Variants in ZSWIM5 observed in about 807,000 individuals in gnomAD.
The protein encoded by ZSWIM5 is zinc finger SWIM-type containing 5.
A neutral mutation model predicts 119.6 loss-of-function variants in ZSWIM5; 55 were observed. The observed-to-expected ratio is 0.46, with a 90% CI of 0.37 to 0.58. ZSWIM5 has a LOEUF of 0.58. Among genes scored for constraint, ZSWIM5 ranks in the 20% least tolerant of loss-of-function variants. ZSWIM5 has a pLI of 0.00. For synonymous variants in ZSWIM5, 537 were observed against 606.9 expected (o/e 0.88, Z 1.69); for missense variants, 1,193 against 1,512.8 (o/e 0.79, Z 3.51).
chr1:45,049,535 C>A (rs894422389), intron 5 of ZSWIM5, among the ~76,000 whole-genome samples: 1 of 152,068 alleles, frequency 6.6e-6, no homozygotes, highest in Non-Finnish European at 1.5e-5. Flanking sequence ...ACTGCCAGAC[C>A]AGGCTGGTCG....
intron 1 of ZSWIM5, among the ~76,000 whole-genome samples, chr1:45,178,276 T>C (rs1001739779): frequency 6.6e-6 from 1 of 152,002 alleles, no homozygotes; most frequent in African/African-American, 2.4e-5. Context: ...AATGAAGGGA[T>C]AGCTGGGTGT....
intron 1 of ZSWIM5, among the ~76,000 whole-genome samples, chr1:45,125,032 A>T (rs1338261691): frequency 2.0e-5 from 3 of 152,226 alleles, no homozygotes; most frequent in African/African-American, 7.2e-5. Context: ...ACTATACAGA[A>T]AATCAACAAG....
intron 11 of ZSWIM5, among the ~76,000 whole-genome samples, chr1:45,032,693 G>A (rs927805388): frequency 6.6e-6 from 1 of 150,450 alleles, no homozygotes; most frequent in Admixed American, 6.6e-5. Flanking sequence ...CACCATGTTG[G>A]CCAGGATGTT....
At chr1:45,174,230 G>C (rs972083825) in intron 1 of ZSWIM5, among the ~76,000 whole-genome samples, 1 of 151,920 alleles carries the variant, frequency 6.6e-6, no homozygotes, top group Non-Finnish European at 1.5e-5. Flanking sequence ...GCCAAGATCA[G>C]GCCACTGCAT....
intron 1 of ZSWIM5, among the ~76,000 whole-genome samples, chr1:45,091,420 G>T (rs1273566225): frequency 6.6e-6 from 1 of 151,770 alleles, no homozygotes; most frequent in Admixed American, 6.6e-5. Flanking sequence ...ACTGTGGGGG[G>T]CCAAGGCAGG....
In ZSWIM5 at chr1:45,018,586, T is replaced by C; in HGVS notation, c.3426A>G (p.Leu1142=). ...GCAGGAAGGTCTCCCGAGCCTTGCT[T>C]AGAAACTCAATGAACTCTCCATAGT... ...PRHYGEFIEF[L]SKARETFLLP... is the part of the protein sequence containing the mutation. The change falls in exon 14 of 14, where the codon CTA becomes CTG. Residue 1142 remains leucine, a synonymous_variant. Coordinates refer to ENST00000359600, the MANE Select transcript of ZSWIM5 (RefSeq NM_020883.2). The surrounding 1 kb of genome is among the most constrained non-coding windows in gnomAD (Gnocchi z 6.7). 1.2e-6 allele frequency: 2 copies of C among 1,614,220 alleles called. No individual in the cohort carries two copies. Among genetic ancestry groups the C allele is most frequent in the Non-Finnish European group, 1.7e-6 (2 of 1,180,034 alleles).
In ZSWIM5 at chr1:45,018,194, C is replaced by T. The variant is rs938237670; in HGVS notation, c.*260G>A. 20 of 541,834 alleles carry T rather than the reference C, an allele frequency of 3.7e-5. No homozygotes were observed. Among genetic ancestry groups the T allele is most frequent in the African/African-American group, 2.8e-4 (15 of 52,798 alleles). 33.6% of individuals were successfully genotyped at this position (541,834 alleles called of 1,614,324 possible). A position where few individuals can be genotyped will look rare whatever the true frequency, so the allele number is the denominator to read the frequency against. On this transcript the variant is annotated 3_prime_UTR_variant, in exon 14 of 14. Coordinates refer to ENST00000359600, the MANE Select transcript of ZSWIM5 (RefSeq NM_020883.2). The surrounding 1 kb of genome is among the most constrained non-coding windows in gnomAD (Gnocchi z 6.7). ...GCTCAGGACACGCAGGATATAGGGGCATGAGGTGGCATGTTGTGGGGTTTC... is the reference window on the plus strand; with the variant it reads ...GCTCAGGACACGCAGGATATAGGGGTATGAGGTGGCATGTTGTGGGGTTTC...
At chr1:45,194,350 A>ATGTT (rs1446481216) in intron 1 of ZSWIM5, among the ~76,000 whole-genome samples, 1 of 152,214 alleles carries the variant, frequency 6.6e-6, no homozygotes, top group Non-Finnish European at 1.5e-5. Context: ...GTTCCATTGT[A>ATGTT]TGTTTATACC....
chr1:45,142,660 G>A (rs141248676), intron 1 of ZSWIM5, among the ~76,000 whole-genome samples: 1 of 152,024 alleles, frequency 6.6e-6, no homozygotes. Context: ...AATTGAATAG[G>A]TGGCCAAAAA....
At chr1:45,168,501 TAA>T (rs1491512242) in intron 1 of ZSWIM5, among the ~76,000 whole-genome samples, 33 of 146,244 alleles carry the variant, frequency 2.3e-4, no homozygotes, top group Non-Finnish European at 4.1e-4. Context: ...ATATTTTTTT[TAA>T]AAAATACAAA....
chr1:45,113,156 A>T (rs1244439845), intron 1 of ZSWIM5, among the ~76,000 whole-genome samples: 1 of 152,216 alleles, frequency 6.6e-6, no homozygotes, highest in Non-Finnish European at 1.5e-5. Flanking sequence ...TGTTGAAAAA[A>T]TATTGCTATG....
chr1:45,100,377 C>A (rs1216917907), intron 1 of ZSWIM5, among the ~76,000 whole-genome samples: 2 of 152,060 alleles, frequency 1.3e-5, no homozygotes, highest in Non-Finnish European at 2.9e-5. Flanking sequence ...AACTACAAAC[C>A]ACTGCTCAAA....
chr1:45,137,935 T>C (rs74070873), intron 1 of ZSWIM5, among the ~76,000 whole-genome samples: 3,309 of 152,238 alleles, frequency 0.022, 136 homozygotes, highest in African/African-American at 0.075. Flanking sequence ...GCCAGTTACA[T>C]GGCTACTGTA....
At chr1:45,070,243 T>C (rs947594304) in intron 2 of ZSWIM5, 11 of 1,469,072 alleles carry the variant, frequency 7.5e-6, no homozygotes, top group Middle Eastern at 1.7e-4. Flanking sequence ...TGTTCATCAG[T>C]CACAGAACCA....
chr1:45,103,414 T>G (rs1008697593), intron 1 of ZSWIM5, among the ~76,000 whole-genome samples: 8 of 152,212 alleles, frequency 5.3e-5, no homozygotes, highest in Non-Finnish European at 1.2e-4. Flanking sequence ...ATAAGAGAGA[T>G]AGAAGAACTT....
At chr1:45,126,054 C>T (rs750494552) in intron 1 of ZSWIM5, among the ~76,000 whole-genome samples, 3 of 150,820 alleles carry the variant, frequency 2.0e-5, no homozygotes, top group South Asian at 2.1e-4. Flanking sequence ...GGTGACAGAG[C>T]GAGACCTTGT....
chr1:45,159,164 G>C (rs900676536), intron 1 of ZSWIM5, among the ~76,000 whole-genome samples: 1 of 152,018 alleles, frequency 6.6e-6, no homozygotes, highest in Non-Finnish European at 1.5e-5. Flanking sequence ...AAGCAACTAA[G>C]TTATACTAAT....
chr1:45,172,383 G>A (rs575872212), intron 1 of ZSWIM5, among the ~76,000 whole-genome samples: 219 of 152,108 alleles, frequency 1.4e-3, no homozygotes, highest in African/African-American at 5.1e-3. Context: ...ACTGAAGAAC[G>A]CAGAACCAAA....
chr1:45,147,078 CTT>C (rs796772982), intron 1 of ZSWIM5, among the ~76,000 whole-genome samples: 7 of 142,122 alleles, frequency 4.9e-5, no homozygotes, highest in Non-Finnish European at 6.2e-5. Context: ...GCATTATCAA[CTT>C]TTTTTTTTTT....
Sources: allele counts gnomAD v4.1 joint callset (sites outside exome capture counted in the v4.1 genomes callset), GRCh38; gene constraint gnomAD v4.1.1; non-coding constraint Gnocchi (gnomAD v3.1); transcripts MANE v1.5; gene names NCBI Gene and HGNC (gene_info 2026-07-23, HGNC 2026-07-21).